PCDHGA4: variants seen among roughly 807,000 people sequenced by gnomAD.
PCDHGA4 encodes protocadherin gamma-A4.
A neutral mutation model predicts 54.6 loss-of-function variants in PCDHGA4; 38 were observed. That is an observed-to-expected ratio of 0.70 (90% CI 0.54 to 0.91). The LOEUF is 0.91. Ranked by LOEUF, PCDHGA4 falls within the 40% of genes least tolerant of loss-of-function variation. The probability of loss-of-function intolerance (pLI) is 0.00; values close to 1 mark genes in which losing one functional copy is unlikely to be tolerated. For missense variants in PCDHGA4, 1,298 were observed against 1,220.9 expected, an observed-to-expected ratio of 1.06 and a Z score of -0.94; for synonymous variants, 511 against 512.9, an observed-to-expected ratio of 1.00 and a Z score of 0.05.
chr5:141,431,790 C>T lies in PCDHGA4; in HGVS notation c.2515-63017C>T, dbSNP rs2097417829. On this transcript the variant is annotated intron_variant, in intron 1 of 3. Transcript: ENST00000571252. This position sits in a 1 kb window ranked among gnomAD's most constrained non-coding sequence, Gnocchi z 4.8. The stretch of plus-strand genomic sequence containing the variant: ...ACTGTTCTGGACGTGAACGACAATG[C>T]CCCAGAAGTGGTCCTCACCTCTCTC... 4.3e-6 allele frequency: 7 copies of T among 1,614,186 alleles called. No individual in the cohort carries two copies. The highest frequency in any genetic ancestry group is 5.9e-6 in the Non-Finnish European group (7 of 1,180,016).
At chr5:141,375,133 A>G in intron 1 of PCDHGA4, 2 of 1,613,958 alleles carry the variant, frequency 1.2e-6, no homozygotes, top group Non-Finnish European at 1.7e-6. Flanking sequence ...TGGTTGTTAC[A>G]TCTGGAAGCA....
chr5:141,483,456 G>T (rs2099581503), intron 1 of PCDHGA4, among the ~76,000 whole-genome samples: 1 of 152,180 alleles, frequency 6.6e-6, no homozygotes, highest in Admixed American at 6.5e-5. Context: ...ATCAGGACTT[G>T]TTGATTGACA....
At position 141,491,828 on chromosome 5, in the gene PCDHGA4, G is replaced by C. The variant is rs1389234164; in HGVS notation, c.2515-2979G>C. ...CTTGGTCGCTGGCTGCGCTCCACCC[G>C]ATTCTCGGGATCATTGGACCGTTTG... On this transcript the variant is annotated intron_variant, in intron 1 of 3. Coordinates refer to ENST00000571252, the MANE Select transcript of PCDHGA4 (RefSeq NM_018917.4). The surrounding 1 kb of genome is among the most constrained non-coding windows in gnomAD (Gnocchi z 6.9). 4.1e-6 allele frequency: 6 copies of C among 1,475,668 alleles called. No homozygotes were observed. The highest frequency in any genetic ancestry group is 5.4e-6 in the Non-Finnish European group (6 of 1,113,522). 91.4% of individuals were successfully genotyped at this position (1,475,668 alleles called of 1,614,324 possible).
At chr5:141,418,778 T>A (rs1256260275) in intron 1 of PCDHGA4, 1 of 1,613,626 alleles carries the variant, frequency 6.2e-7, no homozygotes, top group East Asian at 2.2e-5. Flanking sequence ...TCAGCAGCCT[T>A]TGGATTTTGA....
intron 1 of PCDHGA4, chr5:141,366,537 C>A (rs1163032115): frequency 6.2e-7 from 1 of 1,614,132 alleles, no homozygotes; most frequent in African/African-American, 1.3e-5. Context: ...GCGGGTGTGC[C>A]CGCCTCGCAC....
At chr5:141,362,765 G>A (rs982398782) in intron 1 of PCDHGA4, 1 of 620,542 alleles carries the variant, frequency 1.6e-6, no homozygotes, top group South Asian at 2.2e-5. Context: ...TATCACATGA[G>A]ATATTGCACT....
intron 3 of PCDHGA4, among the ~76,000 whole-genome samples, chr5:141,506,429 A>G (rs1406730781): frequency 7.0e-6 from 1 of 143,144 alleles, no homozygotes; most frequent in Non-Finnish European, 1.5e-5. Flanking sequence ...CCTGGGCAAC[A>G]GTCTCGCTCT....
chr5:141,373,903 C>T (rs1769941634), intron 1 of PCDHGA4: 1 of 586,370 alleles, frequency 1.7e-6, no homozygotes. Flanking sequence ...GTTACATCCT[C>T]CAACAACAAA....
At chr5:141,361,720 G>C in intron 1 of PCDHGA4, 8 of 1,613,318 alleles carry the variant, frequency 5.0e-6, no homozygotes, top group Non-Finnish European at 5.9e-6. Flanking sequence ...GCGCGCCTTC[G>C]AGCTCACACT....
intron 1 of PCDHGA4, chr5:141,428,826 A>G (rs190740602): frequency 1.3e-5 from 2 of 149,304 alleles, no homozygotes; most frequent in South Asian, 2.1e-4. Context: ...GCTTTCATGT[A>G]TTTTTGAAAC....
chr5:141,403,033 G>T (rs764461706), intron 1 of PCDHGA4: 1 of 1,614,056 alleles, frequency 6.2e-7, no homozygotes, highest in Non-Finnish European at 8.5e-7. Flanking sequence ...GGGAGGCCAG[G>T]GCCAGTCAGA....
At chr5:141,503,363 G>A (rs2099819478) in intron 2 of PCDHGA4, among the ~76,000 whole-genome samples, 2 of 152,132 alleles carry the variant, frequency 1.3e-5, no homozygotes, top group East Asian at 1.9e-4. Context: ...TTGGGAAGCG[G>A]AGGCAGGTGG....
chr5:141,422,477 A>G (rs1230502545), intron 1 of PCDHGA4: 2 of 1,613,904 alleles, frequency 1.2e-6, no homozygotes, highest in Admixed American at 1.7e-5. Flanking sequence ...GAGTTGGTCC[A>G]GAGCTACAAT....
intron 1 of PCDHGA4, among the ~76,000 whole-genome samples, chr5:141,462,337 T>C (rs1053544147): frequency 6.6e-6 from 1 of 152,260 alleles, no homozygotes; most frequent in Non-Finnish European, 1.5e-5. Context: ...TTAATTGTAT[T>C]GTGATCCAAA....
intron 1 of PCDHGA4, among the ~76,000 whole-genome samples, chr5:141,400,951 C>A (rs991607511): frequency 6.6e-6 from 1 of 152,174 alleles, no homozygotes; most frequent in Non-Finnish European, 1.5e-5. Flanking sequence ...ACTGATTTCA[C>A]TGGTAGTTTT....
Position 141,489,980 on chromosome 5 carries a change from T to G in PCDHGA4, c.2515-4827T>G, listed in dbSNP as rs2099694325. 1.2e-6 allele frequency: 2 copies of G among 1,614,204 alleles called. No individual in the cohort carries two copies. The highest frequency in any genetic ancestry group is 1.7e-6 in the Non-Finnish European group (2 of 1,180,012). On this transcript the variant is annotated intron_variant, in intron 1 of 3. Transcript: ENST00000571252. This position sits in a 1 kb window ranked among gnomAD's most constrained non-coding sequence, Gnocchi z 4.5. ...GCTCCAACCTTCCAATCCTCAGTTC[T>G]ACGTGTGGGAATCCCAGAGAATGCA...
chr5:141,414,644 A>C lies in PCDHGA4; in HGVS notation c.2514+57023A>C, dbSNP rs1310121141. 6.2e-7 allele frequency: 1 copy of C among 1,613,982 alleles called. No individual in the cohort carries two copies. Among genetic ancestry groups the C allele is most frequent in the Non-Finnish European group, 8.5e-7 (1 of 1,179,894 alleles). ...GACCCGGACAGCAAAGAGAATGCCC[A>C]GATTATTTACTCCCTGGCTGAAGAC... On this transcript the variant is annotated intron_variant, in intron 1 of 3. Transcript: ENST00000571252.
At chr5:141,409,184 T>C in intron 1 of PCDHGA4, 1 of 1,614,044 alleles carries the variant, frequency 6.2e-7, no homozygotes, top group Non-Finnish European at 8.5e-7. Context: ...AGGTGGTCTC[T>C]CTACCCAGTG....
chr5:141,501,447 A>G (rs1483189279), intron 2 of PCDHGA4, among the ~76,000 whole-genome samples: 1 of 151,816 alleles, frequency 6.6e-6, no homozygotes, highest in Middle Eastern at 3.2e-3. Flanking sequence ...TTCCATTTTT[A>G]CTTTTCACTA....
Sources: gnomAD v4.1 joint callset for allele counts (sites outside exome capture counted in the v4.1 genomes callset) on GRCh38, gnomAD v4.1.1 for gene constraint, Gnocchi (gnomAD v3.1) non-coding constraint, MANE v1.5 for transcripts, NCBI Gene and HGNC (gene_info 2026-07-23, HGNC 2026-07-21) for gene names.